Variants in PTPN21 observed in about 807,000 individuals in gnomAD.
PTPN21 encodes the protein tyrosine-protein phosphatase non-receptor type 21.
In PTPN21, 77 loss-of-function variants were observed where a neutral mutation model predicts 131.8. The observed-to-expected ratio is 0.58, with a 90% CI of 0.49 to 0.71. The LOEUF (loss-of-function observed/expected upper bound fraction) is 0.71, where lower values mean the gene tolerates loss of function less well. Among genes scored for constraint, PTPN21 ranks in the 30% least tolerant of loss-of-function variants. PTPN21 has a pLI of 0.00. For missense variants in PTPN21, 1,552 were observed against 1,527.1 expected (o/e 1.02, Z -0.27); for synonymous variants, 715 against 621.3 (o/e 1.15, Z -2.24).
At chr14:88,513,958 G>A (rs2078224008) in intron 3 of PTPN21, 1 of 152,166 alleles carries the variant, frequency 6.6e-6, no homozygotes, top group African/African-American at 2.4e-5. Flanking sequence ...ATGTGTTGGC[G>A]CTGATTGCTC....
chr14:88,475,663 G>T (rs58750542), intron 13 of PTPN21, among the ~76,000 whole-genome samples: 1 of 152,204 alleles, frequency 6.6e-6, no homozygotes, highest in Non-Finnish European at 1.5e-5. Flanking sequence ...GTTTTGATCG[G>T]TGTTTGCCCA....
intron 2 of PTPN21, among the ~76,000 whole-genome samples, chr14:88,530,853 C>T (rs1000852070): frequency 3.9e-5 from 6 of 152,058 alleles, no homozygotes; most frequent in Admixed American, 2.6e-4. Context: ...GACTTCAATA[C>T]TCCACTGACA....
intron 2 of PTPN21, among the ~76,000 whole-genome samples, chr14:88,526,565 A>G (rs2078480920): frequency 6.6e-6 from 1 of 150,598 alleles, no homozygotes; most frequent in Non-Finnish European, 1.5e-5. Flanking sequence ...AAAAAAAAAA[A>G]AAAAAAAAAA....
intron 2 of PTPN21, among the ~76,000 whole-genome samples, chr14:88,521,425 G>A (rs1016582088): frequency 6.0e-5 from 9 of 151,180 alleles, no homozygotes; most frequent in African/African-American, 9.7e-5. Context: ...TTTTTGAGAC[G>A]GAGTTTCACT....
Position 88,509,746 on chromosome 14 carries a change from C to A in PTPN21, c.351-1726G>T, listed in dbSNP as rs2078147853. Among the ~76,000 whole-genome samples, 3 of 152,124 alleles carry A rather than the reference C, an allele frequency of 2.0e-5. No homozygotes were observed. The South Asian group carries it at 6.2e-4, about 32-fold the overall frequency. ...AGGACTTTTCCTTAAATCAAAAACACTAGAAAGGGCTGGGTGCAGCGGCTC... is the reference window on the plus strand; with the variant it reads ...AGGACTTTTCCTTAAATCAAAAACAATAGAAAGGGCTGGGTGCAGCGGCTC... On this transcript the variant is annotated intron_variant, in intron 3 of 18. Coordinates refer to ENST00000556564, the MANE Select transcript of PTPN21 (RefSeq NM_007039.4).
chr14:88,520,617 C>T (rs920905626), intron 2 of PTPN21, among the ~76,000 whole-genome samples: 3 of 151,912 alleles, frequency 2.0e-5, no homozygotes, highest in Non-Finnish European at 4.4e-5. Context: ...TTTTTTTAAA[C>T]TGCAACTTAT....
At chr14:88,474,955 G>A (rs1250629662) in intron 13 of PTPN21, among the ~76,000 whole-genome samples, 2 of 152,112 alleles carry the variant, frequency 1.3e-5, no homozygotes, top group Non-Finnish European at 2.9e-5. Flanking sequence ...AGCTGGGCGT[G>A]GTGGCACATG....
intron 13 of PTPN21, 178 bp from the exon 14 acceptor site, chr14:88,473,980 T>A: frequency 1.8e-6 from 1 of 542,460 alleles, no homozygotes; most frequent in Non-Finnish European, 3.1e-6. Context: ...TAGGAAGACA[T>A]TCCTTTCAAG....
At chr14:88,513,287 C>T (rs1013767537) in intron 3 of PTPN21, among the ~76,000 whole-genome samples, 1 of 152,194 alleles carries the variant, frequency 6.6e-6, no homozygotes, top group Non-Finnish European at 1.5e-5. Flanking sequence ...GCCTCAGTCT[C>T]CTGAGCAGCT....
chr14:88,478,955 T>C lies in PTPN21; in HGVS notation c.2476A>G (p.Lys826Glu). The C allele has an allele frequency of 6.5e-7, 1 of 1,527,240 alleles. No homozygotes were observed. Among genetic ancestry groups the C allele is most frequent in the Admixed American group, 2.0e-5 (1 of 50,500 alleles). The allele number at this position is 1,527,240 out of a possible 1,614,324, so 94.6% of individuals were successfully genotyped here. The change falls in exon 13 of 19, where the codon AAG (lysine) becomes GAG (glutamate). Residue 826 changes from lysine (K) to glutamate (E), a missense_variant. Transcript: ENST00000556564. ...GGGAGCCCTTCCACGATGTTCTTCT[T>C]CCCAGAGAGAAGGTCCGACACCGGC... The part of the protein sequence containing the change: ...KRPVSDLLSG[K>E]KNIVEGLPPL...
At chr14:88,518,259 T>A (rs1261569321) in intron 2 of PTPN21, among the ~76,000 whole-genome samples, 47 of 61,672 alleles carry the variant, frequency 7.6e-4, no homozygotes, top group African/African-American at 2.9e-3. Context: ...AAAAAAAATA[T>A]ATATATATAT....
intron 10 of PTPN21, among the ~76,000 whole-genome samples, chr14:88,486,537 T>A (rs1343780019): frequency 6.6e-6 from 1 of 151,872 alleles, no homozygotes. Flanking sequence ...TATAAAAAAA[T>A]TTCAAACCTA....
intron 14 of PTPN21, among the ~76,000 whole-genome samples, chr14:88,473,203 A>G (rs957888225): frequency 6.6e-6 from 1 of 152,204 alleles, no homozygotes; most frequent in Non-Finnish European, 1.5e-5. Flanking sequence ...CCCGTTGTAA[A>G]GCAAATGTAT....
chr14:88,484,202 T>C (rs895369276), intron 12 of PTPN21, among the ~76,000 whole-genome samples: 61 of 143,186 alleles, frequency 4.3e-4, no homozygotes, highest in African/African-American at 1.6e-3. Context: ...TGCATACCAC[T>C]ACGCCCAGCT....
intron 4 of PTPN21, 33 bp downstream of exon 4, chr14:88,507,890 A>G (rs765191952): frequency 2.2e-6 from 3 of 1,351,504 alleles, no homozygotes; most frequent in Admixed American, 1.9e-5. Flanking sequence ...TTAATCTGAT[A>G]GAACCATTTC....
chr14:88,535,471 G>C (rs1167212014), intron 2 of PTPN21, among the ~76,000 whole-genome samples: 1 of 152,080 alleles, frequency 6.6e-6, no homozygotes, highest in Non-Finnish European at 1.5e-5. Flanking sequence ...TGCCAGCTCT[G>C]GAATGTCTCA....
intron 8 of PTPN21, among the ~76,000 whole-genome samples, chr14:88,498,063 T>G (rs1306933942): frequency 6.6e-6 from 1 of 151,042 alleles, no homozygotes; most frequent in Non-Finnish European, 1.5e-5. Context: ...ACAGCACCAT[T>G]GCACTCCAGC....
Position 88,497,961 on chromosome 14 carries a change from C to T in PTPN21, c.765-671G>A, listed in dbSNP as rs145626097. On this transcript the variant is annotated intron_variant, in intron 8 of 18. Transcript: ENST00000556564. ...AAGAATACAAAAAAAATTAGCTGGG[C>T]ATGGTGGTGGGCACCTGCAATCCCA... Among the ~76,000 whole-genome samples, 1,143 of 151,996 alleles carry T rather than the reference C, an allele frequency of 7.5e-3. 14 individuals are homozygous for T. Among genetic ancestry groups the T allele is most frequent in the African/African-American group, 0.026 (1,090 of 41,458 alleles).
At chr14:88,474,145 A>C (rs894630172) in intron 13 of PTPN21, among the ~76,000 whole-genome samples, 1 of 136,036 alleles carries the variant, frequency 7.4e-6, no homozygotes, top group Non-Finnish European at 1.5e-5. Flanking sequence ...AAAAAAAAAA[A>C]AAAAAAAAAA....
Sources: allele counts gnomAD v4.1 joint callset (sites outside exome capture counted in the v4.1 genomes callset), GRCh38; gene constraint gnomAD v4.1.1; transcripts MANE v1.5; gene names NCBI Gene and HGNC (gene_info 2026-07-23, HGNC 2026-07-21).